PLEKHG4B: variants seen among roughly 807,000 people sequenced by gnomAD.
The protein encoded by PLEKHG4B is pleckstrin homology domain-containing family G member 4B.
A neutral mutation model predicts 121.3 loss-of-function variants in PLEKHG4B; 111 were observed. The observed-to-expected ratio is 0.92, with a 90% CI of 0.78 to 1.07. The LOEUF is 1.07. Ranked by LOEUF, PLEKHG4B falls within the 50% of genes least tolerant of loss-of-function variation. The pLI is 0.00. For missense variants in PLEKHG4B, 1,831 were observed against 1,757.8 expected (o/e 1.04, Z -0.74); for synonymous variants, 738 against 725.0 (o/e 1.02, Z -0.29).
chr5:101,520 G>T (rs1293557813), intron 1 of PLEKHG4B, among the ~76,000 whole-genome samples: 1 of 130,494 alleles, frequency 7.7e-6, no homozygotes, highest in African/African-American at 3.8e-5. Context: ...CTGTAGGGGA[G>T]AGACTGTTGT....
chr5:145,898 G>A (rs1012853991), intron 6 of PLEKHG4B, among the ~76,000 whole-genome samples: 9 of 152,016 alleles, frequency 5.9e-5, no homozygotes, highest in East Asian at 5.8e-4. Context: ...TGCTGAAGAC[G>A]GAGGCAGAGG....
intron 1 of PLEKHG4B, among the ~76,000 whole-genome samples, chr5:107,298 T>C (rs977769786): frequency 1.3e-5 from 2 of 152,174 alleles, no homozygotes; most frequent in African/African-American, 4.8e-5. Context: ...AGAGACCCCA[T>C]GCTTGGCCCT....
At chr5:134,386 G>A (rs994765696) in intron 2 of PLEKHG4B, among the ~76,000 whole-genome samples, 3 of 151,434 alleles carry the variant, frequency 2.0e-5, no homozygotes, top group Non-Finnish European at 1.5e-5. Context: ...CACTGTGATG[G>A]GTGCGCCAAA....
At position 101,412 on chromosome 5, in the gene PLEKHG4B, G is replaced by T. The variant is rs559494213; in HGVS notation, c.45+9136G>T. On this transcript the variant is annotated intron_variant, in intron 1 of 19. Transcript: ENST00000637938. ...AAAGCCCTGGAAAAAGCCTGTAGGG[G>T]AGAGACTGTTGTGAGGTAAATCCAT... 1.2e-4 allele frequency among the ~76,000 whole-genome samples: 15 copies of T among 126,710 alleles called. No individual in the cohort carries two copies. The South Asian group carries it at 2.6e-3, about 22-fold the overall frequency. 83.1% of individuals were successfully genotyped at this position (126,710 alleles called of 152,430 possible).
intron 1 of PLEKHG4B, among the ~76,000 whole-genome samples, chr5:107,951 C>T (rs1215048531): frequency 6.6e-6 from 1 of 152,124 alleles, no homozygotes; most frequent in Non-Finnish European, 1.5e-5. Flanking sequence ...AGTGGAGCAG[C>T]ACCTTTCTGG....
At position 162,839 on chromosome 5, in the gene PLEKHG4B, GC is replaced by G. The variant is rs1198771239; in HGVS notation, c.2768del (p.Ala923GlufsTer6). 2.1e-5 allele frequency: 31 copies of G among 1,510,516 alleles called. No homozygotes were observed. Among genetic ancestry groups the G allele is most frequent in the Non-Finnish European group, 2.4e-5 (27 of 1,129,374 alleles). The allele number at this position is 1,510,516 out of a possible 1,614,324, so 93.6% of individuals were successfully genotyped here. A position where few individuals can be genotyped will look rare whatever the true frequency, so the allele number is the denominator to read the frequency against. On this transcript the variant is annotated frameshift_variant, in exon 13 of 20. Transcript: ENST00000637938. LOFTEE classifies it high-confidence loss of function. ...GGTGGCTGCAGAGGCCTTCCCCGGG[GC>G]AGGTGTGGCAGTGCTGAAGCCTCAT... ...TSVAAEAFPG[A>X]GVAVLKPHAL...
chr5:171,576 AG>A (rs1736556263), intron 16 of PLEKHG4B, 132 bp downstream of exon 16: 1 of 930,572 alleles, frequency 1.1e-6, no homozygotes, highest in African/African-American at 1.6e-5. Flanking sequence ...AGTCCCTCAA[AG>A]CACAGCCTTC....
intron 16 of PLEKHG4B, among the ~76,000 whole-genome samples, chr5:172,012 GC>G (rs1736570353): frequency 6.6e-6 from 1 of 152,242 alleles, no homozygotes; most frequent in South Asian, 2.1e-4. Context: ...CCACGGGTGA[GC>G]TGAGAAATGG....
chr5:99,956 C>G (rs544468345), intron 1 of PLEKHG4B, among the ~76,000 whole-genome samples: 2 of 151,998 alleles, frequency 1.3e-5, no homozygotes, highest in East Asian at 3.8e-4. Context: ...TGTCAGATGC[C>G]TGTTCTGTGT....
chr5:121,719 GA>G (rs944744813), intron 2 of PLEKHG4B, among the ~76,000 whole-genome samples: 5 of 151,918 alleles, frequency 3.3e-5, no homozygotes, highest in East Asian at 3.9e-4. Context: ...AGTGTTGAAA[GA>G]AAAAAATTCT....
At position 137,802 on chromosome 5, in the gene PLEKHG4B, G is replaced by A. The variant is rs572012682; in HGVS notation, c.244-1681G>A. ...TGTGCTGGGCAATAGGATCGGGGAC[G>A]GACTCTGGGGGCCAGGCTCGGGGAG... On this transcript the variant is annotated intron_variant, in intron 2 of 19. Transcript: ENST00000637938. The surrounding 1 kb of genome is among the most constrained non-coding windows in gnomAD (Gnocchi z 4.2). 1.4e-4 allele frequency among the ~76,000 whole-genome samples: 22 copies of A among 152,356 alleles called. No individual in the cohort carries two copies. The East Asian group carries it at 3.1e-3, about 21-fold the overall frequency.
At chr5:154,305 C>G (rs560202624) in intron 7 of PLEKHG4B, among the ~76,000 whole-genome samples, 1 of 152,304 alleles carries the variant, frequency 6.6e-6, no homozygotes, top group Non-Finnish European at 1.5e-5. Context: ...TGCCCAGCCC[C>G]TTCCCTTTCT....
At chr5:129,579 G>A (rs1734716285) in intron 2 of PLEKHG4B, among the ~76,000 whole-genome samples, 1 of 152,200 alleles carries the variant, frequency 6.6e-6, no homozygotes, top group African/African-American at 2.4e-5. Flanking sequence ...TCTTGAGGGT[G>A]TACCCCAGGT....
In PLEKHG4B at chr5:182,381, C is replaced by G. The variant is rs1046324287; in HGVS notation, c.*58C>G. On this transcript the variant is annotated 3_prime_UTR_variant, in exon 20 of 20. Transcript: ENST00000637938. ...CTAGAACAATACAGAGGGAGCAGCACGCCAGGCCTGATGACTCTGGGGGTG... is the reference window on the plus strand; with the variant it reads ...CTAGAACAATACAGAGGGAGCAGCAGGCCAGGCCTGATGACTCTGGGGGTG... 3 of 1,498,372 alleles carry G rather than the reference C, an allele frequency of 2.0e-6. No individual in the cohort carries two copies. The highest frequency in any genetic ancestry group is 1.8e-6 in the Non-Finnish European group (2 of 1,118,642). The allele number at this position is 1,498,372 out of a possible 1,614,324, so 92.8% of individuals were successfully genotyped here.
At position 187,644 on chromosome 5, in the gene PLEKHG4B, G is replaced by A. The variant is rs1182044854; in HGVS notation, c.*5321G>A. ...CCTTGGCTGACCCTAAAGTAGCCAA[G>A]GGGAGCTCACATCGCCTGGCCTGCC... On this transcript the variant is annotated 3_prime_UTR_variant, in exon 20 of 20. Coordinates refer to ENST00000637938, the MANE Select transcript of PLEKHG4B (RefSeq NM_052909.5). 2 of 152,316 alleles carry A rather than the reference G, an allele frequency of 1.3e-5. No homozygotes were observed. Among genetic ancestry groups the A allele is most frequent in the Non-Finnish European group, 2.9e-5 (2 of 68,122 alleles). The allele number at this position is 152,316 out of a possible 1,614,324, so 9.4% of individuals were successfully genotyped here.
intron 18 of PLEKHG4B, among the ~76,000 whole-genome samples, chr5:178,294 C>T (rs1471325868): frequency 6.6e-6 from 1 of 152,208 alleles, no homozygotes; most frequent in Non-Finnish European, 1.5e-5. Flanking sequence ...GCAAATATGC[C>T]GAGCCATCAC....
chr5:152,105 C>T (rs1360098851), intron 7 of PLEKHG4B, among the ~76,000 whole-genome samples: 2 of 151,650 alleles, frequency 1.3e-5, no homozygotes, highest in Admixed American at 6.6e-5. Flanking sequence ...GCAATGCGAG[C>T]GGGCTTGGTT....
rs1256756333 is a variant in PLEKHG4B at position 139,728 on chromosome 5, C to T, written c.489C>T (p.Phe163=). The T allele has an allele frequency of 7.5e-6, 3 of 398,930 alleles. No individual in the cohort carries two copies. Among genetic ancestry groups the T allele is most frequent in the African/African-American group, 6.2e-5 (3 of 48,702 alleles). 24.7% of individuals were successfully genotyped at this position (398,930 alleles called of 1,614,324 possible). Residue 163 remains phenylalanine, a synonymous_variant, in exon 3 of 20, where the codon TTC becomes TTT. Transcript: ENST00000637938. This position sits in a 1 kb window ranked among gnomAD's most constrained non-coding sequence, Gnocchi z 5.0. ...AMYGCVFTGA[F]LEWVNRERRH... is the part of the protein sequence containing the mutation. Reference sequence around the variant, plus strand: ...ATGGCTGTGTCTTCACGGGGGCGTTCCTGGAGTGGGTGAACCGGGAGCGGC... The same window carrying T: ...ATGGCTGTGTCTTCACGGGGGCGTTTCTGGAGTGGGTGAACCGGGAGCGGC...
rs1230214365 is a variant in PLEKHG4B, at chr5:135,681, AAATATATATATATATATATATATATAT to A, written c.244-3800_244-3774del. Among the ~76,000 whole-genome samples the A allele has an allele frequency of 2.6e-4, 10 of 38,682 alleles. 1 individual carries two copies. The highest frequency in any genetic ancestry group is 8.8e-4 in the South Asian group (1 of 1,130). 25.4% of individuals were successfully genotyped at this position (38,682 alleles called of 152,430 possible). ...ACTCCATCTCAAAAAAAAAAAAAAAAAATATATATATATATATATATATATATATATATATATATATATATATGTATG... is the reference window on the plus strand; with the variant it reads ...ACTCCATCTCAAAAAAAAAAAAAAAAATATATATATATATATATATGTATG... On this transcript the variant is annotated intron_variant, in intron 2 of 19. Coordinates refer to ENST00000637938, the MANE Select transcript of PLEKHG4B (RefSeq NM_052909.5).
Sources: allele counts gnomAD v4.1 joint callset (sites outside exome capture counted in the v4.1 genomes callset), GRCh38; gene constraint gnomAD v4.1.1; non-coding constraint Gnocchi (gnomAD v3.1); transcripts MANE v1.5; gene names NCBI Gene and HGNC (gene_info 2026-07-23, HGNC 2026-07-21).